Variants in LRRC3B observed in about 807,000 individuals in gnomAD.
LRRC3B encodes leucine rich repeat containing 3B, also known as leucine-rich repeat-containing protein 3B.
In LRRC3B, 2 loss-of-function variants were observed where a neutral mutation model predicts 12.8. The observed-to-expected ratio is 0.16, with a 90% confidence interval of 0.06 to 0.49. LRRC3B has a LOEUF of 0.49. Ranked by LOEUF, LRRC3B falls within the 20% of genes least tolerant of loss-of-function variation. The pLI is 0.96. For synonymous variants in LRRC3B, 132 were observed against 122.0 expected (o/e 1.08, Z -0.54); for missense variants, 189 against 319.4 (o/e 0.59, Z 3.11).
intron 1 of LRRC3B, among the ~76,000 whole-genome samples, chr3:26,687,712 G>A (rs1290077844): frequency 6.6e-6 from 1 of 152,212 alleles, no homozygotes; most frequent in Non-Finnish European, 1.5e-5. Context: ...CTAACAAGTG[G>A]TAGAATCGAT....
At chr3:26,629,031 C>T (rs900941400) in intron 1 of LRRC3B, among the ~76,000 whole-genome samples, 2 of 152,038 alleles carry the variant, frequency 1.3e-5, no homozygotes, top group African/African-American at 4.8e-5. Flanking sequence ...TTAAAAAATG[C>T]TTTAGGTGCC....
At chr3:26,636,950 C>CTTTCTTTCTTTCTT (rs1415248682) in intron 1 of LRRC3B, among the ~76,000 whole-genome samples, 3 of 122,944 alleles carry the variant, frequency 2.4e-5, no homozygotes, top group African/African-American at 6.8e-5. Context: ...TTCTTTCTTT[C>CTTTCTTTCTTTCTT]TTTCTTTCTT....
chr3:26,646,238 C>T (rs1308798930), intron 1 of LRRC3B, among the ~76,000 whole-genome samples: 3 of 152,128 alleles, frequency 2.0e-5, no homozygotes, highest in Non-Finnish European at 2.9e-5. Flanking sequence ...GCCTTCCAAC[C>T]AGCGATTTTC....
intron 1 of LRRC3B, among the ~76,000 whole-genome samples, chr3:26,632,294 C>T (rs1225897720): frequency 1.3e-5 from 2 of 152,210 alleles, no homozygotes; most frequent in Admixed American, 6.5e-5. Context: ...GATCATATTA[C>T]TCTCTGCTAA....
In LRRC3B at chr3:26,664,018, A is replaced by C. The variant is rs11915317; in HGVS notation, c.-161+40781A>C. The stretch of plus-strand genomic sequence containing the variant: ...TAAAACCTACCAGCACATACCTGTC[A>C]CCCACCAAATAAAGCCCACACTACT... On this transcript the variant is annotated intron_variant, in intron 1 of 1. Coordinates refer to ENST00000396641, the Ensembl canonical transcript of LRRC3B. 8.6e-3 allele frequency among the ~76,000 whole-genome samples: 1,303 copies of C among 152,222 alleles called. 20 individuals carry two copies. Among genetic ancestry groups the C allele is most frequent in the African/African-American group, 0.029 (1,192 of 41,526 alleles).
At chr3:26,684,538 G>T (rs1189861231) in intron 1 of LRRC3B, among the ~76,000 whole-genome samples, 1 of 152,200 alleles carries the variant, frequency 6.6e-6, no homozygotes, top group Non-Finnish European at 1.5e-5. Context: ...TTTTCTCACA[G>T]TTCTGGATAC....
chr3:26,635,626 A>G (rs1698852426), intron 1 of LRRC3B, among the ~76,000 whole-genome samples: 1 of 152,244 alleles, frequency 6.6e-6, no homozygotes, highest in African/African-American at 2.4e-5. Context: ...AACTGTGAGA[A>G]ATGAATTCCT....
At chr3:26,677,571 G>A (rs138729734) in intron 1 of LRRC3B, among the ~76,000 whole-genome samples, 22 of 152,304 alleles carry the variant, frequency 1.4e-4, no homozygotes, top group Non-Finnish European at 2.4e-4. Context: ...GCTTGTTGGC[G>A]GACACTGGGA....
intron 1 of LRRC3B, among the ~76,000 whole-genome samples, chr3:26,704,917 C>T (rs186732711): frequency 7.4e-4 from 112 of 151,698 alleles, no homozygotes; most frequent in African/African-American, 2.3e-3. Flanking sequence ...TCCTGTTTTG[C>T]TATCTATTTC....
intron 1 of LRRC3B, among the ~76,000 whole-genome samples, chr3:26,675,225 G>C (rs778239354): frequency 2.0e-5 from 3 of 152,144 alleles, no homozygotes; most frequent in Non-Finnish European, 4.4e-5. Context: ...ATACATTCAG[G>C]TACAGCATAT....
intron 1 of LRRC3B, among the ~76,000 whole-genome samples, chr3:26,649,208 G>A (rs1042348534): frequency 4.6e-5 from 7 of 152,304 alleles, no homozygotes; most frequent in African/African-American, 1.7e-4. Context: ...GCTGTCCCAA[G>A]TACAGGAAAA....
At chr3:26,629,765 A>ATTT (rs1053894389) in intron 1 of LRRC3B, among the ~76,000 whole-genome samples, 1 of 152,184 alleles carries the variant, frequency 6.6e-6, no homozygotes, top group Non-Finnish European at 1.5e-5. Context: ...GCTCAGAAAC[A>ATTT]GTGTCTGTTA....
At chr3:26,643,412 T>C (rs1699076079) in intron 1 of LRRC3B, among the ~76,000 whole-genome samples, 1 of 152,024 alleles carries the variant, frequency 6.6e-6, no homozygotes, top group Non-Finnish European at 1.5e-5. Flanking sequence ...GTATAGATGG[T>C]TTTATAGAGA....
At chr3:26,665,495 T>G (rs1699579954) in intron 1 of LRRC3B, among the ~76,000 whole-genome samples, 1 of 152,136 alleles carries the variant, frequency 6.6e-6, no homozygotes, top group Admixed American at 6.6e-5. Context: ...TATTGTAATC[T>G]ACCAAAACAA....
At chr3:26,655,922 C>T (rs113571994) in intron 1 of LRRC3B, among the ~76,000 whole-genome samples, 23 of 152,250 alleles carry the variant, frequency 1.5e-4, no homozygotes, top group African/African-American at 3.9e-4. Context: ...AAGGAAACCA[C>T]GACTCAGAGA....
chr3:26,674,776 C>CTAAT (rs1553603960), intron 1 of LRRC3B, among the ~76,000 whole-genome samples: 1 of 152,178 alleles, frequency 6.6e-6, no homozygotes, highest in African/African-American at 2.4e-5. Context: ...TTGCTCTCTC[C>CTAAT]TAATTTGCTC....
intron 1 of LRRC3B, among the ~76,000 whole-genome samples, chr3:26,642,844 C>G (rs1382866973): frequency 6.6e-6 from 1 of 152,068 alleles, no homozygotes; most frequent in Non-Finnish European, 1.5e-5. Flanking sequence ...TGGTGAAAGC[C>G]TGTCTCTACT....
intron 1 of LRRC3B, among the ~76,000 whole-genome samples, chr3:26,683,491 G>T (rs1700012597): frequency 6.6e-6 from 1 of 152,168 alleles, no homozygotes; most frequent in Non-Finnish European, 1.5e-5. Context: ...TATGCTATGA[G>T]TTGGATCCCC....
At chr3:26,661,931 T>A (rs1485688392) in intron 1 of LRRC3B, among the ~76,000 whole-genome samples, 1 of 152,176 alleles carries the variant, frequency 6.6e-6, no homozygotes, top group Non-Finnish European at 1.5e-5. Context: ...AGGCCCAGAA[T>A]AAAGAGATGT....
Sources: allele counts gnomAD v4.1 joint callset (sites outside exome capture counted in the v4.1 genomes callset), GRCh38; gene constraint gnomAD v4.1.1; transcripts MANE v1.5; gene names NCBI Gene and HGNC (gene_info 2026-07-23, HGNC 2026-07-21).